RRAD: variants seen among roughly 807,000 people sequenced by gnomAD.
The protein encoded by RRAD is GTP-binding protein RAD.
RRAD carries 15 observed loss-of-function variants against 24.7 expected under a neutral mutation model. The ratio of observed to expected loss-of-function variants is 0.61; its 90% CI spans 0.41 to 0.93. The LOEUF (loss-of-function observed/expected upper bound fraction) is 0.93, where lower values mean the gene tolerates loss of function less well. Ranked by LOEUF, RRAD falls within the 40% of genes least tolerant of loss-of-function variation. The pLI is 0.00. For missense variants in RRAD, 438 were observed against 452.2 expected (o/e 0.97, Z 0.29); for synonymous variants, 180 against 189.8 (o/e 0.95, Z 0.43).
rs1453107260 is a variant in RRAD, at chr16:66,925,180, C to G, written c.-1G>C. ...CGCTGCCGCCGCCGTTCAGGGTCAT[C>G]GCGTCCGGGACCGTCTAGGGGATCA... On this transcript the variant is annotated 5_prime_UTR_variant, in exon 2 of 5. Transcript: ENST00000299759. The surrounding 1 kb of genome is among the most constrained non-coding windows in gnomAD (Gnocchi z 5.2). 8.0e-7 allele frequency: 1 copy of G among 1,245,842 alleles called. No individual in the cohort carries two copies. Among genetic ancestry groups the G allele is most frequent in the African/African-American group, 1.5e-5 (1 of 64,968 alleles). The allele number at this position is 1,245,842 out of a possible 1,614,324, so 77.2% of individuals were successfully genotyped here.
At position 66,924,837 on chromosome 16, in the gene RRAD, C is replaced by G; in HGVS notation, c.343G>C (p.Glu115Gln). The G allele has an allele frequency of 6.3e-7, 1 of 1,588,158 alleles. No individual in the cohort carries two copies. The highest frequency in any genetic ancestry group is 8.5e-7 in the Non-Finnish European group (1 of 1,171,818). ...SALARIFGGV[E>Q]DGPEAEAAGH... ...GCTGCCTCTGCTTCAGGCCCGTCCTCCACACCGCCGAAGATGCGCGCCAGG... is the reference window on the plus strand; with the variant it reads ...GCTGCCTCTGCTTCAGGCCCGTCCTGCACACCGCCGAAGATGCGCGCCAGG... Residue 115 changes from glutamate (E) to glutamine (Q), a missense_variant, in exon 2 of 5, where the codon GAG (glutamate) becomes CAG (glutamine). Physicochemically the swap from Glu to Gln is conservative, Grantham distance 29. Transcript: ENST00000299759. The surrounding 1 kb of genome is among the most constrained non-coding windows in gnomAD (Gnocchi z 4.2).
Position 66,925,294 on chromosome 16 carries a change from G to T in RRAD, c.-15-100C>A. ...GAGTCAGGCGGGATGCTCCGGCCGA[G>T]GTCCCGCCGCAGCCCTCCCCCAGCC... On this transcript the variant is annotated intron_variant, in intron 1 of 4. Coordinates refer to ENST00000299759, the MANE Select transcript of RRAD (RefSeq NM_004165.3). This position sits in a 1 kb window ranked among gnomAD's most constrained non-coding sequence, Gnocchi z 5.2. 9.4e-7 allele frequency: 1 copy of T among 1,062,014 alleles called. No homozygotes were observed. Among genetic ancestry groups the T allele is most frequent in the Non-Finnish European group, 1.2e-6 (1 of 843,908 alleles). The allele number at this position is 1,062,014 out of a possible 1,614,324, so 65.8% of individuals were successfully genotyped here.
Position 66,925,062 on chromosome 16 carries a change from T to C in RRAD, c.118A>G (p.Met40Val). The C allele has an allele frequency of 2.3e-6, 3 of 1,299,420 alleles. No individual in the cohort carries two copies. Among genetic ancestry groups the C allele is most frequent in the Non-Finnish European group, 2.9e-6 (3 of 1,025,626 alleles). The allele number at this position is 1,299,420 out of a possible 1,614,324, so 80.5% of individuals were successfully genotyped here. A position where few individuals can be genotyped will look rare whatever the true frequency, so the allele number is the denominator to read the frequency against. ...GPAPPLHRRS[M>V]PVDERDLQAA... ...TGCAGGTCGCGCTCGTCCACCGGCA[T>C]GCTGCGGCGGTGCAGCGGCGGGGCG... is the stretch of plus-strand genomic sequence containing the variant. Residue 40 changes from methionine (M) to valine (V), a missense_variant, in exon 2 of 5, where the codon ATG becomes GTG. Transcript: ENST00000299759. This position sits in a 1 kb window ranked among gnomAD's most constrained non-coding sequence, Gnocchi z 5.2.
rs1310666924 is a variant in RRAD, at chr16:66,924,696, T to TAAC, written c.370+113_370+114insGTT. On this transcript the variant is annotated intron_variant, in intron 2 of 4. Coordinates refer to ENST00000299759, the MANE Select transcript of RRAD (RefSeq NM_004165.3). The surrounding 1 kb of genome is among the most constrained non-coding windows in gnomAD (Gnocchi z 4.2). Reference sequence around the variant, plus strand: ...AATAATAAAATAATAATAATAATAATAATAACAACAACAACAACTATAATT... The same window carrying TAAC: ...AATAATAAAATAATAATAATAATAATAACAATAACAACAACAACAACTATAATT... The TAAC allele has an allele frequency of 1.4e-6, 1 of 699,612 alleles. No homozygotes were observed. Among genetic ancestry groups the TAAC allele is most frequent in the Non-Finnish European group, 1.9e-6 (1 of 522,528 alleles). The allele number at this position is 699,612 out of a possible 1,614,324, so 43.3% of individuals were successfully genotyped here. A position where few individuals can be genotyped will look rare whatever the true frequency, so the allele number is the denominator to read the frequency against.
Position 66,922,072 on chromosome 16 carries a change from G to A in RRAD, c.*4C>T. 2 of 1,601,328 alleles carry A rather than the reference G, an allele frequency of 1.2e-6. No individual in the cohort carries two copies. The highest frequency in any genetic ancestry group is 1.7e-6 in the Non-Finnish European group (2 of 1,169,268). ...TCTCCCACCATAGTGGGAGCGGGTG[G>A]GACCTAGAGAACCGAGAGGTCGTGG... On this transcript the variant is annotated 3_prime_UTR_variant, in exon 5 of 5. Coordinates refer to ENST00000299759, the MANE Select transcript of RRAD (RefSeq NM_004165.3).
chr16:66,923,452 C>T lies in RRAD; in HGVS notation c.649+64G>A. The T allele has an allele frequency of 7.2e-7, 1 of 1,383,628 alleles. No homozygotes were observed. The highest frequency in any genetic ancestry group is 1.2e-5 in the South Asian group (1 of 80,038). 85.7% of individuals were successfully genotyped at this position (1,383,628 alleles called of 1,614,324 possible). A position where few individuals can be genotyped will look rare whatever the true frequency, so the allele number is the denominator to read the frequency against. ...TGATCCCCAGGGACTCAAGCTGAGC[C>T]AAGACTGCCTGGATCAGGGCCCAGC... On this transcript the variant is annotated intron_variant, in intron 4 of 4. Transcript: ENST00000299759. The surrounding 1 kb of genome is among the most constrained non-coding windows in gnomAD (Gnocchi z 4.9).
In RRAD at chr16:66,923,668, A is replaced by G; in HGVS notation, c.497T>C (p.Val166Ala). 1 of 1,614,134 alleles carries G rather than the reference A, an allele frequency of 6.2e-7. No homozygotes were observed. Among genetic ancestry groups the G allele is most frequent in the Non-Finnish European group, 8.5e-7 (1 of 1,180,028 alleles). ...CTTGTCCGTCACTGAGTACACAATG[A>G]CATAGGCATCCCCCATGGCCATGCA... ...GHCMAMGDAY[V>A]IVYSVTDKGS... is the part of the protein sequence containing the mutation. Residue 166 changes from valine (V) to alanine (A), a missense_variant, in exon 4 of 5, where the codon GTC becomes GCC. Transcript: ENST00000299759. The surrounding 1 kb of genome is among the most constrained non-coding windows in gnomAD (Gnocchi z 4.9).
In RRAD at chr16:66,923,931, G is replaced by A. The variant is rs760188913; in HGVS notation, c.371-12C>T. 6.2e-7 allele frequency: 1 copy of A among 1,612,332 alleles called. No individual in the cohort carries two copies. Among genetic ancestry groups the A allele is most frequent in the Admixed American group, 1.7e-5 (1 of 60,012 alleles). On this transcript the variant is annotated splice_polypyrimidine_tract_variant and intron_variant, in intron 2 of 4. Coordinates refer to ENST00000299759, the MANE Select transcript of RRAD (RefSeq NM_004165.3). This position sits in a 1 kb window ranked among gnomAD's most constrained non-coding sequence, Gnocchi z 4.9. ...ATCATAGGTGTGCCCTAGGCAGAAG[G>A]CCAGTAGACAGGTTACCAGCTGGTT...
rs1043564490 is a variant in RRAD, at chr16:66,922,420, A to G, written c.650-67T>C. 67 of 1,475,970 alleles carry G rather than the reference A, an allele frequency of 4.5e-5. 1 individual carries two copies. Among genetic ancestry groups the G allele is most frequent in the South Asian group, 3.9e-5 (3 of 76,802 alleles). 91.4% of individuals were successfully genotyped at this position (1,475,970 alleles called of 1,614,324 possible). On this transcript the variant is annotated intron_variant, in intron 4 of 4. Coordinates refer to ENST00000299759, the MANE Select transcript of RRAD (RefSeq NM_004165.3). ...GGGTGAATGAGGAGTCCCCTCCAACAGTGGCCACCCATGGAAGCTGCCACT... is the reference window on the plus strand; with the variant it reads ...GGGTGAATGAGGAGTCCCCTCCAACGGTGGCCACCCATGGAAGCTGCCACT...
Position 66,924,092 on chromosome 16 carries a change from G to C in RRAD, c.371-173C>G, listed in dbSNP as rs1962957006. On this transcript the variant is annotated intron_variant, in intron 2 of 4. Transcript: ENST00000299759. The surrounding 1 kb of genome is among the most constrained non-coding windows in gnomAD (Gnocchi z 4.2). ...GTGCCAGGCAGGGAAGTGGGGGCTG[G>C]AGGGCATGGTGTGCCTGACCTCCAC... Among the ~76,000 whole-genome samples, 1 of 152,132 alleles carries C rather than the reference G, an allele frequency of 6.6e-6. No individual in the cohort carries two copies. The highest frequency in any genetic ancestry group is 1.5e-5 in the Non-Finnish European group (1 of 68,016).
chr16:66,922,214 T>C lies in RRAD; in HGVS notation c.789A>G (p.Arg263=), dbSNP rs201474391. 9.9e-6 allele frequency: 16 copies of C among 1,614,204 alleles called. No homozygotes were observed. The East Asian group carries it at 3.3e-4, about 34-fold the overall frequency. The change falls in exon 5 of 5, where the codon CGA becomes CGG. Residue 263 remains arginine, a synonymous_variant. Transcript: ENST00000299759. ...CTCGCCTCCGGGTGCCTGCTTGCCG[T>C]CGTGCGTTGGCTTCTTTGCTGTCCC... is the stretch of plus-strand genomic sequence containing the variant. ...LRRDSKEANA[R]RQAGTRRRES...
Position 66,924,678 on chromosome 16 carries a change from A to AAAC in RRAD, c.370+131_370+132insGTT. 1 of 687,244 alleles carries AAAC rather than the reference A, an allele frequency of 1.5e-6. No individual in the cohort carries two copies. The highest frequency in any genetic ancestry group is 2.0e-6 in the Non-Finnish European group (1 of 502,428). The allele number at this position is 687,244 out of a possible 1,614,324, so 42.6% of individuals were successfully genotyped here. ...GAAACTCTGTCTCAAAATAATAATAAAATAATAATAATAATAATAATAACA... is the reference window on the plus strand; with the variant it reads ...GAAACTCTGTCTCAAAATAATAATAAAACAATAATAATAATAATAATAATAACA... On this transcript the variant is annotated intron_variant, in intron 2 of 4. Transcript: ENST00000299759. The surrounding 1 kb of genome is among the most constrained non-coding windows in gnomAD (Gnocchi z 4.2).
Position 66,924,915 on chromosome 16 carries a change from C to G in RRAD, c.265G>C (p.Glu89Gln). The G allele has an allele frequency of 1.3e-6, 2 of 1,577,620 alleles. No homozygotes were observed. The highest frequency in any genetic ancestry group is 1.7e-6 in the Non-Finnish European group (2 of 1,167,332). ...SLSSGGSDSD[E>Q]SVYKVLLLGA... ...AGCAGCAGCACCTTGTAAACGCTCT[C>G]GTCTGAGTCGCTGCCCCCTGAGCTG... The change falls in exon 2 of 5, where the codon GAG (glutamate) becomes CAG (glutamine). Residue 89 changes from glutamate (E) to glutamine (Q), a missense_variant. Physicochemically the swap from Glu to Gln is conservative, Grantham distance 29. Transcript: ENST00000299759. This position sits in a 1 kb window ranked among gnomAD's most constrained non-coding sequence, Gnocchi z 4.2.
rs187357463 is a variant in RRAD, at chr16:66,925,484, T to C, written c.-91A>G. On this transcript the variant is annotated 5_prime_UTR_variant, in exon 1 of 5. Coordinates refer to ENST00000299759, the MANE Select transcript of RRAD (RefSeq NM_004165.3). This position sits in a 1 kb window ranked among gnomAD's most constrained non-coding sequence, Gnocchi z 5.2. The stretch of plus-strand genomic sequence containing the variant: ...GCACTCGTAGTCCGGACTCGGACTT[T>C]AGGGTTTCCGCCGCCGCTGCTGCTG... 3.0e-4 allele frequency: 71 copies of C among 233,268 alleles called. 1 individual carries two copies. The highest frequency in any genetic ancestry group is 1.4e-3 in the African/African-American group (62 of 44,090). 14.4% of individuals were successfully genotyped at this position (233,268 alleles called of 1,614,324 possible). A position where few individuals can be genotyped will look rare whatever the true frequency, so the allele number is the denominator to read the frequency against.
rs1372668236 is a variant in RRAD, at chr16:66,924,442, G to C, written c.370+368C>G. Among the ~76,000 whole-genome samples the C allele has an allele frequency of 6.6e-6, 1 of 152,142 alleles. No individual in the cohort carries two copies. Among genetic ancestry groups the C allele is most frequent in the African/African-American group, 2.4e-5 (1 of 41,424 alleles). Reference sequence around the variant, plus strand: ...AGCACTTTGGGAAGCCAAGGTGGGCGGATCACGAGGTCAGAAATTCCAGAC... The same window carrying C: ...AGCACTTTGGGAAGCCAAGGTGGGCCGATCACGAGGTCAGAAATTCCAGAC... On this transcript the variant is annotated intron_variant, in intron 2 of 4. Transcript: ENST00000299759. The surrounding 1 kb of genome is among the most constrained non-coding windows in gnomAD (Gnocchi z 4.2).
Position 66,923,784 on chromosome 16 carries a change from CCCA to C in RRAD, c.444+59_444+61del. On this transcript the variant is annotated intron_variant, in intron 3 of 4. Coordinates refer to ENST00000299759, the MANE Select transcript of RRAD (RefSeq NM_004165.3). The surrounding 1 kb of genome is among the most constrained non-coding windows in gnomAD (Gnocchi z 4.9). ...ATGCCCCCGACACGAGCCTGGCACT[CCCA>C]GACCTCTAACCCAACTCACTCCTCC... 6.2e-7 allele frequency: 1 copy of C among 1,610,278 alleles called. No homozygotes were observed. Among genetic ancestry groups the C allele is most frequent in the Non-Finnish European group, 8.5e-7 (1 of 1,176,596 alleles).
At position 66,922,224 on chromosome 16, in the gene RRAD, G is replaced by T; in HGVS notation, c.779C>A (p.Ala260Asp). 1 of 1,614,226 alleles carries T rather than the reference G, an allele frequency of 6.2e-7. No individual in the cohort carries two copies. Among genetic ancestry groups the T allele is most frequent in the Non-Finnish European group, 8.5e-7 (1 of 1,180,028 alleles). Residue 260 changes from alanine (A) to aspartate (D), a missense_variant, in exon 5 of 5, where the codon GCC becomes GAC. Physicochemically the swap from Ala to Asp is moderately radical, Grantham distance 126. Coordinates refer to ENST00000299759, the MANE Select transcript of RRAD (RefSeq NM_004165.3). ...GGTGCCTGCTTGCCGTCGTGCGTTG[G>T]CTTCTTTGCTGTCCCTGCGCAGGCG... ...QIRLRRDSKE[A>D]NARRQAGTRR...
rs770635303 is a variant in RRAD at position 66,923,023 on chromosome 16, T to C, written c.649+493A>G. Among the ~76,000 whole-genome samples, 17 of 152,218 alleles carry C rather than the reference T, an allele frequency of 1.1e-4. No individual in the cohort carries two copies. Among genetic ancestry groups the C allele is most frequent in the Non-Finnish European group, 2.4e-4 (16 of 68,038 alleles). ...TATTTTTTAATTCGAGGTTATATCA[T>C]GATGAATGATCCAGTGGACTGGGGT... is the stretch of plus-strand genomic sequence containing the variant. On this transcript the variant is annotated intron_variant, in intron 4 of 4. Coordinates refer to ENST00000299759, the MANE Select transcript of RRAD (RefSeq NM_004165.3). The surrounding 1 kb of genome is among the most constrained non-coding windows in gnomAD (Gnocchi z 4.9).
Position 66,922,235 on chromosome 16 carries a change from G to T in RRAD, c.768C>A (p.Asp256Glu), listed in dbSNP as rs779706857. ...GCCGTCGTGCGTTGGCTTCTTTGCT[G>T]TCCCTGCGCAGGCGTATCTGGCGCA... ...GVVRQIRLRR[D>E]SKEANARRQA... The change falls in exon 5 of 5, where the codon GAC (aspartate) becomes GAA (glutamate). Residue 256 changes from aspartate (D) to glutamate (E), a missense_variant. By Grantham distance (45) the Asp-to-Glu change is conservative. Transcript: ENST00000299759. The T allele has an allele frequency of 6.2e-7, 1 of 1,614,202 alleles. No individual in the cohort carries two copies. The highest frequency in any genetic ancestry group is 8.5e-7 in the Non-Finnish European group (1 of 1,180,028).
Sources: gnomAD v4.1 joint callset for allele counts (sites outside exome capture counted in the v4.1 genomes callset) on GRCh38, gnomAD v4.1.1 for gene constraint, Gnocchi (gnomAD v3.1) non-coding constraint, MANE v1.5 for transcripts, NCBI Gene and HGNC (gene_info 2026-07-23, HGNC 2026-07-21) for gene names.